SUGCT: variants seen among roughly 807,000 people sequenced by gnomAD.
The protein encoded by SUGCT is succinyl-CoA:glutarate CoA-transferase.
In SUGCT, 41 loss-of-function variants were observed where a neutral mutation model predicts 55.0. The observed-to-expected ratio is 0.74, with a 90% CI of 0.58 to 0.97. The LOEUF is 0.97. Ranked by LOEUF, SUGCT falls within the 50% of genes least tolerant of loss-of-function variation. The pLI, the probability that SUGCT is intolerant of heterozygous loss-of-function variation, is 0.00. For synonymous variants in SUGCT, 187 were observed against 200.4 expected (o/e 0.93, Z 0.56); for missense variants, 568 against 547.8 (o/e 1.04, Z -0.37).
At chr7:40,907,155 G>C in the SUGCT span, among the ~76,000 whole-genome samples, 1 of 151,348 alleles carries the variant, frequency 6.6e-6, no homozygotes, top group African/African-American at 2.4e-5. Flanking sequence ...GAGAGAGAGA[G>C]AGAGAGAGAA....
the SUGCT span, among the ~76,000 whole-genome samples, chr7:40,952,716 T>G: frequency 1.3e-5 from 2 of 152,214 alleles, no homozygotes; most frequent in African/African-American, 2.4e-5. Flanking sequence ...CTTATGAAGC[T>G]TAGTTTGGCT....
chr7:40,967,057 C>T, the SUGCT span: 1 of 152,170 alleles, frequency 6.6e-6, no homozygotes, highest in Non-Finnish European at 1.5e-5. Context: ...CTGGGCATTT[C>T]CAAGCTCATC....
At chr7:40,529,044 A>T (rs185918191) in intron 12 of SUGCT, among the ~76,000 whole-genome samples, 246 of 152,348 alleles carry the variant, frequency 1.6e-3, no homozygotes, top group Non-Finnish European at 2.6e-3. Context: ...TGGACAGAAC[A>T]CATGGGAAAT....
At chr7:40,406,997 A>C (rs991980263) in intron 9 of SUGCT, among the ~76,000 whole-genome samples, 3 of 152,176 alleles carry the variant, frequency 2.0e-5, no homozygotes, top group Non-Finnish European at 4.4e-5. Context: ...GTTGAAAACA[A>C]GTTTCGAAAT....
At chr7:40,682,217 G>C (rs1318313706) in intron 12 of SUGCT, among the ~76,000 whole-genome samples, 1 of 152,124 alleles carries the variant, frequency 6.6e-6, no homozygotes, top group Non-Finnish European at 1.5e-5. Context: ...CCTGGAAAGG[G>C]CATGGAAGCT....
the SUGCT span, among the ~76,000 whole-genome samples, chr7:40,963,910 C>T: frequency 6.6e-6 from 1 of 152,206 alleles, no homozygotes; most frequent in Admixed American, 6.5e-5. Context: ...GGCTGACTTA[C>T]TCACTCATCT....
intron 12 of SUGCT, among the ~76,000 whole-genome samples, chr7:40,742,665 C>G (rs1036873862): frequency 6.6e-6 from 1 of 150,834 alleles, no homozygotes; most frequent in African/African-American, 2.4e-5. Context: ...ATACCATGGA[C>G]CATGGTACCG....
At chr7:40,893,528 A>G in the SUGCT span, among the ~76,000 whole-genome samples, 3 of 152,312 alleles carry the variant, frequency 2.0e-5, no homozygotes, top group East Asian at 5.8e-4. Flanking sequence ...TTAATAGAAA[A>G]CAATATCATG....
At chr7:40,989,735 C>A in the SUGCT span, among the ~76,000 whole-genome samples, 6 of 152,192 alleles carry the variant, frequency 3.9e-5, no homozygotes, top group African/African-American at 1.4e-4. Context: ...TATGCCACTG[C>A]ACTCCAGCCT....
the SUGCT span, among the ~76,000 whole-genome samples, chr7:40,982,803 A>C: frequency 6.6e-6 from 1 of 152,048 alleles, no homozygotes; most frequent in Non-Finnish European, 1.5e-5. Flanking sequence ...ATGTGCCACT[A>C]TGCCCAGCTA....
At chr7:40,443,628 T>A (rs1473382404) in intron 9 of SUGCT, among the ~76,000 whole-genome samples, 6 of 152,230 alleles carry the variant, frequency 3.9e-5, no homozygotes, top group Non-Finnish European at 7.3e-5. Flanking sequence ...ATTAGCCATT[T>A]GTGTGATGGG....
intron 12 of SUGCT, among the ~76,000 whole-genome samples, chr7:40,508,259 T>C (rs973385346): frequency 2.2e-4 from 34 of 152,166 alleles, no homozygotes; most frequent in Non-Finnish European, 7.4e-5. Context: ...ACAATTAAGC[T>C]GTAACAGGGG....
chr7:40,331,958 A>T (rs923884310), intron 9 of SUGCT, among the ~76,000 whole-genome samples: 3 of 152,236 alleles, frequency 2.0e-5, no homozygotes, highest in African/African-American at 7.2e-5. Context: ...TGGCATAGTC[A>T]CTGATTTAAG....
chr7:40,671,834 T>C (rs914186769), intron 12 of SUGCT, among the ~76,000 whole-genome samples: 1 of 152,184 alleles, frequency 6.6e-6, no homozygotes, highest in African/African-American at 2.4e-5. Context: ...ATAAACAAGC[T>C]TATTCTAAAT....
intron 12 of SUGCT, among the ~76,000 whole-genome samples, chr7:40,636,049 C>T (rs752940232): frequency 5.3e-5 from 8 of 152,216 alleles, no homozygotes; most frequent in South Asian, 2.1e-4. Flanking sequence ...GCATTCACCA[C>T]GACTGGTTGG....
intron 12 of SUGCT, among the ~76,000 whole-genome samples, chr7:40,647,432 C>T (rs1165017766): frequency 6.6e-6 from 1 of 152,112 alleles, no homozygotes; most frequent in East Asian, 1.9e-4. Flanking sequence ...GTCAAATTAT[C>T]GGTGAAAAGC....
intron 13 of SUGCT, among the ~76,000 whole-genome samples, chr7:40,787,419 T>G (rs932837574): frequency 1.9e-4 from 29 of 151,970 alleles, no homozygotes; most frequent in African/African-American, 7.0e-4. Context: ...TTGCTGGGTC[T>G]GGGTTTAGGG....
In SUGCT at chr7:40,188,917, T is replaced by G. The variant is rs551764650; in HGVS notation, c.312+337T>G. ...TATTATACTTTAAAAACATCTCCTA[T>G]CATCCTTGTTAGCATATTAATATAT... On this transcript the variant is annotated intron_variant, in intron 4 of 13. Coordinates refer to ENST00000335693, the MANE Select transcript of SUGCT (RefSeq NM_001193313.2). Among the ~76,000 whole-genome samples the G allele has an allele frequency of 3.9e-5, 6 of 152,332 alleles. No homozygotes were observed. The East Asian group carries it at 1.2e-3, about 29-fold the overall frequency.
chr7:40,433,774 G>A lies in SUGCT; in HGVS notation c.817-15513G>A, dbSNP rs75424535. ...AAGAAGAATTATAGTATTTGGGGAG[G>A]CATGCAAAGATAAATTATTTTCAGC... On this transcript the variant is annotated intron_variant, in intron 9 of 13. Coordinates refer to ENST00000335693, the MANE Select transcript of SUGCT (RefSeq NM_001193313.2). Among the ~76,000 whole-genome samples, 119 of 152,206 alleles carry A rather than the reference G, an allele frequency of 7.8e-4. No individual in the cohort carries two copies. In the East Asian group the frequency reaches 0.022, roughly 28 times the overall value.
Sources: gnomAD v4.1 joint callset for allele counts (sites outside exome capture counted in the v4.1 genomes callset) on GRCh38, gnomAD v4.1.1 for gene constraint, MANE v1.5 for transcripts, NCBI Gene and HGNC (gene_info 2026-07-23, HGNC 2026-07-21) for gene names.